The following NTM variants were observed in gnomAD, a reference collection of about 807,000 sequenced individuals.
NTM encodes neurotrimin, also known as IgLON family member 2.
A neutral mutation model predicts 42.1 loss-of-function variants in NTM; 13 were observed. That is an observed-to-expected ratio of 0.31 (90% CI 0.20 to 0.49). The LOEUF is 0.49. Ranked by LOEUF, NTM falls within the 20% of genes least tolerant of loss-of-function variation. The pLI is 0.99. For missense variants in NTM, 373 were observed against 452.8 expected (o/e 0.82, Z 1.60); for synonymous variants, 187 against 179.2 (o/e 1.04, Z -0.35).
intron 1 of NTM, among the ~76,000 whole-genome samples, chr11:131,557,009 T>TTG (rs760096151): frequency 6.8e-4 from 103 of 151,658 alleles, no homozygotes; most frequent in Admixed American, 1.3e-3. Flanking sequence ...GCGTGTGTGT[T>TTG]TGTGTGTGTG....
At chr11:131,412,562 G>T (rs1315070079) in intron 1 of NTM, among the ~76,000 whole-genome samples, 1 of 152,090 alleles carries the variant, frequency 6.6e-6, no homozygotes, top group Non-Finnish European at 1.5e-5. Flanking sequence ...TATCAAATTA[G>T]ACATTTAGAT....
At chr11:131,451,441 T>G (rs1227274562) in intron 1 of NTM, among the ~76,000 whole-genome samples, 1 of 151,716 alleles carries the variant, frequency 6.6e-6, no homozygotes. Context: ...GAGGGAGAAA[T>G]TCCTCTGGGC....
intron 1 of NTM, among the ~76,000 whole-genome samples, chr11:131,705,734 A>C (rs1475742193): frequency 6.6e-6 from 1 of 152,142 alleles, no homozygotes; most frequent in Non-Finnish European, 1.5e-5. Context: ...TAAAGTGTAG[A>C]ATTTATGTAT....
intron 1 of NTM, among the ~76,000 whole-genome samples, chr11:131,651,853 CA>C (rs1325191590): frequency 6.8e-6 from 1 of 146,102 alleles, no homozygotes; most frequent in African/African-American, 2.5e-5. Context: ...CCCCCCGACC[CA>C]AAAAAAGAAA....
At chr11:131,653,715 G>A (rs1310165097) in intron 1 of NTM, among the ~76,000 whole-genome samples, 3 of 152,322 alleles carry the variant, frequency 2.0e-5, no homozygotes, top group Admixed American at 6.5e-5. Flanking sequence ...CTTCCAGTAT[G>A]AGAACACAGG....
At chr11:131,969,888 C>T (rs532104778) in intron 2 of NTM, among the ~76,000 whole-genome samples, 1 of 152,322 alleles carries the variant, frequency 6.6e-6, no homozygotes, top group East Asian at 1.9e-4. Flanking sequence ...ACCATCGTGG[C>T]TCACTACAGC....
intron 1 of NTM, among the ~76,000 whole-genome samples, chr11:131,671,849 C>A (rs1269563538): frequency 6.6e-6 from 1 of 152,174 alleles, no homozygotes; most frequent in African/African-American, 2.4e-5. Flanking sequence ...AGAGCTAAGG[C>A]CCCTCTGAAG....
chr11:131,572,016 A>C (rs962513275), intron 1 of NTM, among the ~76,000 whole-genome samples: 14 of 152,216 alleles, frequency 9.2e-5, no homozygotes, highest in African/African-American at 3.4e-4. Flanking sequence ...GGGCCAATTT[A>C]AAAGAAATTT....
chr11:131,531,784 T>C (rs1335786898), intron 1 of NTM, among the ~76,000 whole-genome samples: 2 of 152,312 alleles, frequency 1.3e-5, no homozygotes, highest in East Asian at 3.9e-4. Context: ...AAAGCAAGTA[T>C]GGGAACATTA....
intron 1 of NTM, chr11:131,538,177 G>A (rs2052578150): frequency 6.6e-6 from 1 of 152,170 alleles, no homozygotes; most frequent in African/African-American, 2.4e-5. Context: ...ATGAACATGT[G>A]AGGTTTACCC....
At chr11:131,795,172 T>A in intron 1 of NTM, 1 of 361,160 alleles carries the variant, frequency 2.8e-6, no homozygotes, top group Non-Finnish European at 3.9e-6. Context: ...GTCACCCACT[T>A]AAATTTCACT....
intron 1 of NTM, among the ~76,000 whole-genome samples, chr11:131,653,952 C>T (rs2066841822): frequency 6.6e-6 from 1 of 152,314 alleles, no homozygotes; most frequent in South Asian, 2.1e-4. Flanking sequence ...CAATATTTGT[C>T]GATTAAGCTC....
At chr11:131,761,184 T>C (rs1025278686) in intron 1 of NTM, among the ~76,000 whole-genome samples, 2 of 152,198 alleles carry the variant, frequency 1.3e-5, no homozygotes, top group African/African-American at 4.8e-5. Context: ...TTGCAGGACC[T>C]GTTATGCGTT....
intron 1 of NTM, among the ~76,000 whole-genome samples, chr11:131,448,699 G>A (rs886518211): frequency 1.3e-5 from 2 of 152,202 alleles, no homozygotes; most frequent in Non-Finnish European, 2.9e-5. Context: ...CAGGTTGCAG[G>A]AGAGAAGGCT....
At chr11:131,584,877 C>G (rs995141429) in intron 1 of NTM, among the ~76,000 whole-genome samples, 1 of 152,290 alleles carries the variant, frequency 6.6e-6, no homozygotes, top group South Asian at 2.1e-4. Context: ...GCCTCCCCCT[C>G]TCAGTGCTGC....
intron 2 of NTM, among the ~76,000 whole-genome samples, chr11:131,973,234 G>A (rs959626924): frequency 6.6e-6 from 1 of 152,166 alleles, no homozygotes; most frequent in Non-Finnish European, 1.5e-5. Flanking sequence ...TCCTTTTTGT[G>A]CATCCAGTTC....
intron 2 of NTM, among the ~76,000 whole-genome samples, chr11:131,918,961 T>G (rs1304448929): frequency 6.6e-6 from 1 of 152,186 alleles, no homozygotes; most frequent in East Asian, 1.9e-4. Context: ...CACCTGGAGT[T>G]AGTAATACCA....
At chr11:131,377,545 C>T (rs910053324) in intron 1 of NTM, among the ~76,000 whole-genome samples, 1 of 152,230 alleles carries the variant, frequency 6.6e-6, no homozygotes, top group Non-Finnish European at 1.5e-5. Context: ...AAGATAACCT[C>T]CTCTATGAGA....
At chr11:131,466,717 T>C (rs1017516689) in intron 1 of NTM, among the ~76,000 whole-genome samples, 1 of 152,240 alleles carries the variant, frequency 6.6e-6, no homozygotes. Context: ...GGGTATATCA[T>C]GGTTCCAAAT....
Sources: allele counts gnomAD v4.1 joint callset (sites outside exome capture counted in the v4.1 genomes callset), GRCh38; gene constraint gnomAD v4.1.1; transcripts MANE v1.5; gene names NCBI Gene and HGNC (gene_info 2026-07-23, HGNC 2026-07-21).